The following KCTD14 variants were observed in gnomAD, a reference collection of about 807,000 sequenced individuals.
KCTD14 encodes potassium channel tetramerization domain containing 14, also known as BTB/POZ domain-containing protein KCTD14.
A neutral mutation model predicts 5.9 loss-of-function variants in KCTD14; 7 were observed. That is an observed-to-expected ratio of 1.19 (90% CI 0.68 to 2.23). The LOEUF (loss-of-function observed/expected upper bound fraction) is 2.23. Ranked by LOEUF, KCTD14 falls within the 30% of genes most tolerant of loss-of-function variation. The probability of loss-of-function intolerance (pLI) is 0.00; values close to 1 mark genes in which losing one functional copy is unlikely to be tolerated. For synonymous variants in KCTD14, 140 were observed against 133.1 expected, an observed-to-expected ratio of 1.05 and a Z score of -0.36; for missense variants, 342 against 332.2, an observed-to-expected ratio of 1.03 and a Z score of -0.23.
chr11:78,038,627 A>C, intron 2 of KCTD14: 1 of 1,534,354 alleles, frequency 6.5e-7, no homozygotes, highest in South Asian at 1.2e-5. Context: ...CACACAGCCC[A>C]GACACCTGGA....
At chr11:78,039,982 G>C (rs998053960) in intron 1 of KCTD14, among the ~76,000 whole-genome samples, 7 of 152,152 alleles carry the variant, frequency 4.6e-5, no homozygotes, top group African/African-American at 1.7e-4. Context: ...CTAAGGCACT[G>C]TGCAAGGAGT....
At chr11:78,018,405 A>C (rs1857227225) in intron 1 of KCTD14, among the ~76,000 whole-genome samples, 1 of 151,794 alleles carries the variant, frequency 6.6e-6, no homozygotes, top group African/African-American at 2.4e-5. Context: ...TAAGGAAAAA[A>C]AATTTTTTTT....
intron 1 of KCTD14, among the ~76,000 whole-genome samples, chr11:78,043,662 C>T (rs897925798): frequency 7.2e-5 from 11 of 152,184 alleles, no homozygotes; most frequent in Non-Finnish European, 1.2e-4. Context: ...CATTTTGACT[C>T]GGGTCTTCTA....
At chr11:78,044,905 G>T (rs1858093220) in intron 1 of KCTD14, among the ~76,000 whole-genome samples, 1 of 152,130 alleles carries the variant, frequency 6.6e-6, no homozygotes. Flanking sequence ...TATTTCCTTG[G>T]TGTGGGCTGT....
In KCTD14 at chr11:78,023,222, G is replaced by C. The variant is rs1857354826; in HGVS notation, c.28C>G (p.Pro10Ala). 1 of 1,608,488 alleles carries C rather than the reference G, an allele frequency of 6.2e-7. No individual in the cohort carries two copies. Among genetic ancestry groups the C allele is most frequent in the East Asian group, 2.2e-5 (1 of 44,702 alleles). MWQGCAVER[P>A]VGRMTSQTPL... is the part of the protein sequence containing the mutation. ...GTCTGGCTCGTCATCCTGCCCACTG[G>C]CCGCTCCACTGCGCAGCCCTGCCAC... is the stretch of plus-strand genomic sequence containing the variant. Residue 10 changes from proline (P) to alanine (A), a missense_variant, in exon 1 of 2, where the codon CCA becomes GCA. Transcript: ENST00000353172.
intron 2 of KCTD14, among the ~76,000 whole-genome samples, chr11:78,031,970 C>G (rs772147488): frequency 6.6e-6 from 1 of 152,198 alleles, no homozygotes; most frequent in Non-Finnish European, 1.5e-5. Flanking sequence ...AATGGTGAAC[C>G]AATGTGTCCT....
At chr11:78,022,386 A>C (rs1857331564) in intron 1 of KCTD14, among the ~76,000 whole-genome samples, 1 of 152,090 alleles carries the variant, frequency 6.6e-6, no homozygotes. Context: ...AGTGCCTTAC[A>C]CTTCCCCAGT....
intron 2 of KCTD14, among the ~76,000 whole-genome samples, chr11:78,029,775 C>CT (rs372341755): frequency 3.4e-4 from 44 of 131,250 alleles, no homozygotes; most frequent in Middle Eastern, 3.6e-3. Context: ...TCAGACAAGA[C>CT]TTTTTTTTTT....
intron 2 of KCTD14, chr11:78,038,556 C>G: frequency 7.5e-7 from 1 of 1,325,834 alleles, no homozygotes; most frequent in Non-Finnish European, 1.0e-6. Context: ...CTCACTGGCT[C>G]CCCAGCCCAA....
intron 1 of KCTD14, among the ~76,000 whole-genome samples, chr11:78,039,994 G>A (rs953970013): frequency 1.3e-5 from 2 of 152,162 alleles, no homozygotes; most frequent in Non-Finnish European, 2.9e-5. Context: ...GCAAGGAGTA[G>A]GCACTTTTTT....
At chr11:78,031,460 C>T (rs1222864171) in intron 2 of KCTD14, among the ~76,000 whole-genome samples, 1 of 151,040 alleles carries the variant, frequency 6.6e-6, no homozygotes, top group Non-Finnish European at 1.5e-5. Flanking sequence ...CTCACTGCAA[C>T]CTCCGCCTCC....
chr11:78,035,696 T>C (rs1857770279), intron 2 of KCTD14, among the ~76,000 whole-genome samples: 1 of 150,780 alleles, frequency 6.6e-6, no homozygotes, highest in South Asian at 2.1e-4. Flanking sequence ...ATACAAAAAA[T>C]TAGCTGGCCA....
In KCTD14 at chr11:78,037,448, C is replaced by G. The variant is rs548102875; in HGVS notation, c.-1+1216G>C. Among the ~76,000 whole-genome samples the G allele has an allele frequency of 6.6e-4, 100 of 152,326 alleles. 2 individuals are homozygous for G. In the South Asian group the frequency reaches 0.02, roughly 31 times the overall value. ...CCTGAGCACCAGGGACTGGTGCACTCCTGAGCCCTGTGAGTAGGCCAGTTC... is the reference window on the plus strand; with the variant it reads ...CCTGAGCACCAGGGACTGGTGCACTGCTGAGCCCTGTGAGTAGGCCAGTTC... On this transcript the variant is annotated intron_variant, in intron 2 of 2. Transcript: ENST00000533144.
chr11:78,023,186 G>A lies in KCTD14; in HGVS notation c.64C>T (p.Gln22Ter). 6.2e-7 allele frequency: 1 copy of A among 1,601,898 alleles called. No homozygotes were observed. The highest frequency in any genetic ancestry group is 8.5e-7 in the Non-Finnish European group (1 of 1,176,440). The change falls in exon 1 of 2, where the codon CAG (glutamine) becomes TAG (stop). Residue 22 changes from glutamine (Q) to a stop codon, truncating the protein, a stop_gained. Coordinates refer to ENST00000353172, the MANE Select transcript of KCTD14 (RefSeq NM_023930.4). LOFTEE classifies it low-confidence loss of function (END_TRUNC). ...GRMTSQTPLPQSPRPRRPTMS... is the reference protein window; with the variant it reads ...GRMTSQTPLP The stretch of plus-strand genomic sequence containing the variant: ...GTTGGCCGCCTGGGCCGGGGGGACT[G>A]GGGCAGAGGGGTCTGGCTCGTCATC...
At chr11:78,022,856 G>A (rs1480634262) in intron 1 of KCTD14, 2 of 329,124 alleles carry the variant, frequency 6.1e-6, no homozygotes, top group Non-Finnish European at 1.1e-5. Flanking sequence ...AAGCCGGTGG[G>A]GAAGAGACAA....
intron 1 of KCTD14, among the ~76,000 whole-genome samples, chr11:78,041,803 C>T (rs1428389958): frequency 1.3e-5 from 2 of 152,264 alleles, no homozygotes; most frequent in East Asian, 1.9e-4. Flanking sequence ...CACTCCCAAT[C>T]GTGCTAAAGG....
Position 78,033,654 on chromosome 11 carries a change from C to T in KCTD14, c.-1+5010G>A, listed in dbSNP as rs553702319. ...CTGAGATTGTACCACTGTACTCCAG[C>T]CTGGGCAACAGAGCGAGACTCCTTC... is the stretch of plus-strand genomic sequence containing the variant. On this transcript the variant is annotated intron_variant, in intron 2 of 2. Transcript: ENST00000533144. 6.2e-4 allele frequency among the ~76,000 whole-genome samples: 91 copies of T among 147,890 alleles called. 2 individuals carry two copies. In the South Asian group the frequency reaches 0.019, roughly 31 times the overall value.
At chr11:78,036,150 C>T (rs1565316494) in intron 2 of KCTD14, among the ~76,000 whole-genome samples, 1 of 151,718 alleles carries the variant, frequency 6.6e-6, no homozygotes, top group Non-Finnish European at 1.5e-5. Flanking sequence ...CAGAATGAGA[C>T]TGTCTCAAAA....
chr11:78,026,617 A>C (rs774105430), upstream of KCTD14, among the ~76,000 whole-genome samples: 9 of 151,792 alleles, frequency 5.9e-5, no homozygotes, highest in Non-Finnish European at 1.2e-4. Context: ...AAAAATACAA[A>C]GCTTAGTCAG....
Sources: gnomAD v4.1 joint callset for allele counts (sites outside exome capture counted in the v4.1 genomes callset) on GRCh38, gnomAD v4.1.1 for gene constraint, MANE v1.5 for transcripts, NCBI Gene and HGNC (gene_info 2026-07-23, HGNC 2026-07-21) for gene names.